CNTNAP5: variants seen among roughly 807,000 people sequenced by gnomAD.
CNTNAP5 encodes contactin associated protein family member 5.
A neutral mutation model predicts 150.2 loss-of-function variants in CNTNAP5; 72 were observed. That is an observed-to-expected ratio of 0.48 (90% CI 0.40 to 0.58). The LOEUF (loss-of-function observed/expected upper bound fraction) is 0.58, where lower values mean the gene tolerates loss of function less well. Among genes scored for constraint, CNTNAP5 ranks in the 20% least tolerant of loss-of-function variants. The pLI is 0.00. For missense variants in CNTNAP5, 1,636 were observed against 1,626.2 expected (o/e 1.01, Z -0.10); for synonymous variants, 672 against 619.8 (o/e 1.08, Z -1.25).
At chr2:124,581,164 T>C (rs1696401678) in intron 11 of CNTNAP5, among the ~76,000 whole-genome samples, 1 of 152,222 alleles carries the variant, frequency 6.6e-6, no homozygotes, top group Non-Finnish European at 1.5e-5. Flanking sequence ...TGGAAGTCAC[T>C]AACCCTTGGA....
At chr2:124,034,561 G>T (rs1681159484) in intron 1 of CNTNAP5, among the ~76,000 whole-genome samples, 1 of 152,174 alleles carries the variant, frequency 6.6e-6, no homozygotes, top group Non-Finnish European at 1.5e-5. Context: ...CATAATCACT[G>T]CTTCTAGGCC....
chr2:124,740,787 G>A (rs1208087000), intron 13 of CNTNAP5, among the ~76,000 whole-genome samples: 1 of 152,174 alleles, frequency 6.6e-6, no homozygotes, highest in East Asian at 1.9e-4. Context: ...CATCCACTGG[G>A]TAACTGTGCT....
chr2:124,122,296 C>T (rs1453719735), intron 1 of CNTNAP5, among the ~76,000 whole-genome samples: 1 of 152,132 alleles, frequency 6.6e-6, no homozygotes, highest in Non-Finnish European at 1.5e-5. Context: ...AATCGTGAAA[C>T]ATTAGGCAGG....
chr2:124,740,095 T>A lies in CNTNAP5; in HGVS notation c.2078-7134T>A, dbSNP rs145957106. Among the ~76,000 whole-genome samples the A allele has an allele frequency of 5.9e-3, 878 of 149,472 alleles. 13 individuals carry two copies. Among genetic ancestry groups the A allele is most frequent in the Admixed American group, 8.1e-3 (121 of 14,918 alleles). ...ATAATTTTATGAATTATATATTTAATTTATATATAAATTAGTAATTTTATA... is the reference window on the plus strand; with the variant it reads ...ATAATTTTATGAATTATATATTTAAATTATATATAAATTAGTAATTTTATA... On this transcript the variant is annotated intron_variant, in intron 13 of 23. Coordinates refer to ENST00000682447, the MANE Select transcript of CNTNAP5 (RefSeq NM_001367498.1).
chr2:124,686,967 A>G (rs1439335917), intron 13 of CNTNAP5, among the ~76,000 whole-genome samples: 1 of 152,136 alleles, frequency 6.6e-6, no homozygotes, highest in African/African-American at 2.4e-5. Context: ...ACACTGTCCA[A>G]TATGGCAGCC....
At chr2:124,108,896 T>A (rs1683228867) in intron 1 of CNTNAP5, among the ~76,000 whole-genome samples, 1 of 152,174 alleles carries the variant, frequency 6.6e-6, no homozygotes, top group African/African-American at 2.4e-5. Flanking sequence ...ATTCTTAGAC[T>A]GTCATTCATG....
At chr2:124,878,486 T>A (rs1677903775) in intron 21 of CNTNAP5, among the ~76,000 whole-genome samples, 3 of 152,028 alleles carry the variant, frequency 2.0e-5, no homozygotes, top group African/African-American at 7.2e-5. Context: ...AGCCACTTCA[T>A]CCAACCTAGC....
At chr2:124,255,686 G>A (rs1254610695) in intron 3 of CNTNAP5, among the ~76,000 whole-genome samples, 1 of 151,872 alleles carries the variant, frequency 6.6e-6, no homozygotes, top group African/African-American at 2.4e-5. Context: ...CCCTATTTGG[G>A]GAAACTTAAA....
chr2:124,197,155 A>G (rs944387246), intron 1 of CNTNAP5, among the ~76,000 whole-genome samples: 2 of 152,228 alleles, frequency 1.3e-5, no homozygotes, highest in Non-Finnish European at 2.9e-5. Context: ...ACAAATACAT[A>G]TCTATATGCC....
At chr2:124,398,117 A>G (rs921030840) in intron 3 of CNTNAP5, among the ~76,000 whole-genome samples, 2 of 152,174 alleles carry the variant, frequency 1.3e-5, no homozygotes, top group African/African-American at 2.4e-5. Context: ...TATATTCTCT[A>G]CCTTCTGTAT....
chr2:124,073,175 G>T (rs1192490262), intron 1 of CNTNAP5, among the ~76,000 whole-genome samples: 9 of 151,994 alleles, frequency 5.9e-5, no homozygotes, highest in African/African-American at 1.9e-4. Context: ...AGTGAAACTA[G>T]ATCTCTATCC....
intron 3 of CNTNAP5, among the ~76,000 whole-genome samples, chr2:124,365,819 T>C (rs1375789564): frequency 6.6e-6 from 1 of 152,228 alleles, no homozygotes. Context: ...AAGTGTATGC[T>C]GAATCTGAAG....
At chr2:124,680,293 A>G (rs1007353610) in intron 13 of CNTNAP5, among the ~76,000 whole-genome samples, 4 of 151,812 alleles carry the variant, frequency 2.6e-5, no homozygotes, top group African/African-American at 9.7e-5. Flanking sequence ...CTTTACAGAG[A>G]CATTAGCATA....
intron 22 of CNTNAP5, among the ~76,000 whole-genome samples, chr2:124,907,229 A>G (rs919706614): frequency 2.6e-5 from 4 of 152,144 alleles, no homozygotes; most frequent in Non-Finnish European, 4.4e-5. Flanking sequence ...CCATTACAAA[A>G]GGAAATATGT....
chr2:124,512,542 C>A (rs1476076888), intron 8 of CNTNAP5, among the ~76,000 whole-genome samples: 4 of 151,974 alleles, frequency 2.6e-5, no homozygotes, highest in Non-Finnish European at 5.9e-5. Context: ...AAGAAAATAC[C>A]ATGAAAAAGT....
At chr2:124,756,857 A>C (rs1370373532) in intron 14 of CNTNAP5, among the ~76,000 whole-genome samples, 1 of 152,172 alleles carries the variant, frequency 6.6e-6, no homozygotes, top group East Asian at 1.9e-4. Context: ...TCTGTGCAGC[A>C]AACCACCATG....
intron 5 of CNTNAP5, among the ~76,000 whole-genome samples, chr2:124,440,380 G>C (rs559896472): frequency 1.3e-5 from 2 of 152,050 alleles, no homozygotes; most frequent in African/African-American, 2.4e-5. Context: ...AAACATGAGA[G>C]TTCCCATCCC....
chr2:124,500,097 T>C (rs1198565893), intron 7 of CNTNAP5, among the ~76,000 whole-genome samples: 1 of 152,132 alleles, frequency 6.6e-6, no homozygotes, highest in Non-Finnish European at 1.5e-5. Flanking sequence ...CATTTTACTC[T>C]ATGCCCTCAA....
chr2:124,865,924 A>C (rs1467530674), intron 20 of CNTNAP5, among the ~76,000 whole-genome samples: 1 of 151,768 alleles, frequency 6.6e-6, no homozygotes, highest in Non-Finnish European at 1.5e-5. Context: ...AGCCTGGGAG[A>C]CAGAGCAAGA....
Sources: gnomAD v4.1 joint callset for allele counts (sites outside exome capture counted in the v4.1 genomes callset) on GRCh38, gnomAD v4.1.1 for gene constraint, MANE v1.5 for transcripts, NCBI Gene and HGNC (gene_info 2026-07-23, HGNC 2026-07-21) for gene names.